Variants in SRD5A2 observed in about 807,000 individuals in gnomAD.
SRD5A2 encodes the protein 3-oxo-5-alpha-steroid 4-dehydrogenase 2.
SRD5A2 carries 30 observed loss-of-function variants against 27.4 expected under a neutral mutation model. The observed-to-expected ratio is 1.10, with a 90% CI of 0.82 to 1.49. The LOEUF is 1.49. Ranked by LOEUF, SRD5A2 falls within the 40% of genes most tolerant of loss-of-function variation. The pLI is 0.00. For missense variants in SRD5A2, 348 were observed against 323.4 expected (o/e 1.08, Z -0.58); for synonymous variants, 141 against 133.6 (o/e 1.06, Z -0.38).
At chr2:31,618,409 T>C in the SRD5A2 span, among the ~76,000 whole-genome samples, 2 of 152,128 alleles carry the variant, frequency 1.3e-5, no homozygotes, top group Non-Finnish European at 2.9e-5. Context: ...TAATAGCCAA[T>C]ATATGGAATC....
the SRD5A2 span, among the ~76,000 whole-genome samples, chr2:31,605,448 A>G: frequency 1.4e-5 from 2 of 146,160 alleles, no homozygotes; most frequent in Non-Finnish European, 1.5e-5. Context: ...ACTCTGTAGG[A>G]AAAAAAACCT....
intron 1 of SRD5A2, among the ~76,000 whole-genome samples, chr2:31,576,760 A>C (rs1465006023): frequency 2.5e-5 from 1 of 39,990 alleles, no homozygotes; most frequent in African/African-American, 1.2e-4. Flanking sequence ...ATGTCCAACA[A>C]TGATAGACTG....
At position 31,525,116 on chromosome 2, in the gene SRD5A2, A is replaced by G; in HGVS notation, c.*1080T>C. The G allele has an allele frequency of 4.6e-6, 1 of 219,604 alleles. No individual in the cohort carries two copies. The allele number at this position is 219,604 out of a possible 1,614,324, so 13.6% of individuals were successfully genotyped here. ...GCCCAGACGTGCCCCTCTGTCTGCAATTTTCAGTCTCTGCCTGCAGGTCCT... is the reference window on the plus strand; with the variant it reads ...GCCCAGACGTGCCCCTCTGTCTGCAGTTTTCAGTCTCTGCCTGCAGGTCCT... On this transcript the variant is annotated 3_prime_UTR_variant, in exon 5 of 5. Transcript: ENST00000622030.
chr2:31,542,055 C>A (rs1558361002), intron 1 of SRD5A2, among the ~76,000 whole-genome samples: 1 of 152,178 alleles, frequency 6.6e-6, no homozygotes, highest in Non-Finnish European at 1.5e-5. Context: ...CTGTGCTGGG[C>A]TTAGAATCAG....
At chr2:31,567,959 G>A (rs894679695) in intron 1 of SRD5A2, among the ~76,000 whole-genome samples, 6 of 152,116 alleles carry the variant, frequency 3.9e-5, no homozygotes, top group East Asian at 3.9e-4. Flanking sequence ...GTGAGTGAGC[G>A]CAGGGTCCAG....
the SRD5A2 span, among the ~76,000 whole-genome samples, chr2:31,614,449 G>A: frequency 6.6e-6 from 1 of 152,232 alleles, no homozygotes; most frequent in Non-Finnish European, 1.5e-5. Flanking sequence ...TGGCTTTGCA[G>A]GGTACAGCTC....
chr2:31,590,102 T>A, the SRD5A2 span, among the ~76,000 whole-genome samples: 2 of 152,134 alleles, frequency 1.3e-5, no homozygotes, highest in Admixed American at 6.5e-5. Flanking sequence ...CCACAGTGGC[T>A]GCAGCAAGCC....
At chr2:31,586,128 G>T in the SRD5A2 span, among the ~76,000 whole-genome samples, 8 of 152,144 alleles carry the variant, frequency 5.3e-5, no homozygotes. Flanking sequence ...TGATTTCTGA[G>T]ATTTTGGTGC....
At chr2:31,581,074 C>A (rs1052907709), upstream of SRD5A2, 1 of 675,330 alleles carries the variant, frequency 1.5e-6, no homozygotes, top group Admixed American at 3.0e-5. Context: ...CGCAGCAATA[C>A]CCCTTTCTCA....
At chr2:31,593,121 G>A in the SRD5A2 span, among the ~76,000 whole-genome samples, 2 of 152,072 alleles carry the variant, frequency 1.3e-5, no homozygotes, top group African/African-American at 2.4e-5. Flanking sequence ...GGGGTCGGGG[G>A]AGAGGGGAGG....
At chr2:31,584,979 A>G (rs571000657), upstream of SRD5A2, among the ~76,000 whole-genome samples, 5 of 152,166 alleles carry the variant, frequency 3.3e-5, no homozygotes, top group Non-Finnish European at 7.3e-5. Context: ...TGCAAAGAGC[A>G]TTTTCGTGCA....
chr2:31,596,909 A>G, the SRD5A2 span, among the ~76,000 whole-genome samples: 4 of 152,258 alleles, frequency 2.6e-5, no homozygotes, highest in African/African-American at 7.2e-5. Flanking sequence ...TGTGAAAGTG[A>G]CCACCCTGCC....
At chr2:31,642,993 A>G in the SRD5A2 span, among the ~76,000 whole-genome samples, 806 of 152,226 alleles carry the variant, frequency 5.3e-3, 6 homozygotes, top group African/African-American at 0.018. Context: ...GTGGAAAAAA[A>G]AAGATCAGAA....
At chr2:31,589,334 G>A in the SRD5A2 span, among the ~76,000 whole-genome samples, 1 of 152,156 alleles carries the variant, frequency 6.6e-6, no homozygotes, top group African/African-American at 2.4e-5. Context: ...TTGGGATAAT[G>A]AATTTACATG....
At chr2:31,542,866 A>C (rs1409236209) in intron 1 of SRD5A2, among the ~76,000 whole-genome samples, 2 of 152,174 alleles carry the variant, frequency 1.3e-5, no homozygotes, top group Non-Finnish European at 2.9e-5. Flanking sequence ...GAAAGAAAGG[A>C]GTAGAGAGAA....
chr2:31,577,493 G>A (rs1572658016), intron 1 of SRD5A2, among the ~76,000 whole-genome samples: 1 of 152,186 alleles, frequency 6.6e-6, no homozygotes, highest in South Asian at 2.1e-4. Flanking sequence ...CCATAAAAGT[G>A]AGACAAAAAC....
chr2:31,641,626 G>A, the SRD5A2 span, among the ~76,000 whole-genome samples: 4 of 152,188 alleles, frequency 2.6e-5, no homozygotes, highest in African/African-American at 4.8e-5. Context: ...TTATGAACAC[G>A]TGGTATTATT....
At position 31,539,334 on chromosome 2, in the gene SRD5A2, C is replaced by G. The variant is rs183496489; in HGVS notation, c.282-5568G>C. ...AAGGCCAAACAAAATCTTACTTTCT[C>G]TAGCCAAGGAATGAGAAAAAGGGAA... On this transcript the variant is annotated intron_variant, in intron 1 of 4. Coordinates refer to ENST00000622030, the MANE Select transcript of SRD5A2 (RefSeq NM_000348.4). Among the ~76,000 whole-genome samples the G allele has an allele frequency of 3.9e-5, 6 of 152,286 alleles. No individual in the cohort carries two copies. In the South Asian group the frequency reaches 6.2e-4, roughly 16 times the overall value.
rs532051159 is a variant in SRD5A2 at position 31,523,632 on chromosome 2, G to A, written c.*2564C>T. On this transcript the variant is annotated 3_prime_UTR_variant, in exon 5 of 5. Transcript: ENST00000622030. ...AGGTTGGCAGGAAAACGCCTCTTCC[G>A]TGAAAGCTTCAGCAAGACCAAGATA... 113 of 219,936 alleles carry A rather than the reference G, an allele frequency of 5.1e-4. No individual in the cohort carries two copies. Among genetic ancestry groups the A allele is most frequent in the African/African-American group, 2.3e-3 (102 of 44,746 alleles). The allele number at this position is 219,936 out of a possible 1,614,324, so 13.6% of individuals were successfully genotyped here.
Sources: allele counts gnomAD v4.1 joint callset (sites outside exome capture counted in the v4.1 genomes callset), GRCh38; gene constraint gnomAD v4.1.1; transcripts MANE v1.5; gene names NCBI Gene and HGNC (gene_info 2026-07-23, HGNC 2026-07-21).